CMBL: variants seen among roughly 807,000 people sequenced by gnomAD.
CMBL encodes the protein carboxymethylenebutenolidase homolog (Pseudomonas).
A neutral mutation model predicts 28.7 loss-of-function variants in CMBL; 17 were observed. That is an observed-to-expected ratio of 0.59 (90% CI 0.41 to 0.89). The LOEUF is 0.89. Among genes scored for constraint, CMBL ranks in the 40% least tolerant of loss-of-function variants. The probability of loss-of-function intolerance (pLI) is 0.00; values close to 1 mark genes in which losing one functional copy is unlikely to be tolerated. For synonymous variants in CMBL, 106 were observed against 101.6 expected (o/e 1.04, Z -0.26); for missense variants, 310 against 298.5 (o/e 1.04, Z -0.28).
chr5:10,296,123 AG>A (rs1225364262), intron 1 of CMBL, among the ~76,000 whole-genome samples: 1 of 152,206 alleles, frequency 6.6e-6, no homozygotes. Flanking sequence ...ACATAAAACC[AG>A]GGTTATGTAT....
intron 1 of CMBL, among the ~76,000 whole-genome samples, chr5:10,291,652 C>A (rs1276066500): frequency 6.8e-6 from 1 of 146,680 alleles, no homozygotes; most frequent in African/African-American, 2.6e-5. Context: ...CAGAGCGAGA[C>A]GCCGTCTCAA....
intron 2 of CMBL, 84 bp from the exon 3 acceptor site, chr5:10,288,613 C>T (rs1301856932): frequency 3.8e-6 from 4 of 1,055,384 alleles, no homozygotes; most frequent in Non-Finnish European, 5.8e-6. Flanking sequence ...AAACTTGCTA[C>T]GTTGGCGATT....
In CMBL at chr5:10,293,318, G is replaced by A. The variant is rs145574914; in HGVS notation, c.-19-2537C>T. Among the ~76,000 whole-genome samples the A allele has an allele frequency of 5.9e-5, 9 of 152,312 alleles. No homozygotes were observed. The East Asian group carries it at 1.2e-3, about 20-fold the overall frequency. On this transcript the variant is annotated intron_variant, in intron 1 of 5. Coordinates refer to ENST00000296658, the MANE Select transcript of CMBL (RefSeq NM_138809.4). ...TTACAGTCCTGGAGGCTGGGAAGTC[G>A]CAGTTCAAGGGACTGGCAGATGCAA...
intron 1 of CMBL, among the ~76,000 whole-genome samples, chr5:10,296,686 G>A (rs60897398): frequency 6.6e-6 from 1 of 152,172 alleles, no homozygotes; most frequent in East Asian, 1.9e-4. Flanking sequence ...TGAGGAATGA[G>A]CCTGAGAAGG....
intron 3 of CMBL, among the ~76,000 whole-genome samples, chr5:10,286,833 C>T (rs753318399): frequency 3.3e-5 from 5 of 152,182 alleles, no homozygotes; most frequent in Non-Finnish European, 7.3e-5. Flanking sequence ...TTCGTAAGAC[C>T]CGAGTCCATG....
chr5:10,287,982 C>T (rs1024919907), intron 3 of CMBL, among the ~76,000 whole-genome samples: 1 of 151,490 alleles, frequency 6.6e-6, no homozygotes, highest in Admixed American at 6.6e-5. Flanking sequence ...CAGCCAGCCT[C>T]AGCCTGCCAA....
intron 1 of CMBL, among the ~76,000 whole-genome samples, chr5:10,292,969 ACAAT>A (rs1483068087): frequency 6.6e-6 from 1 of 152,198 alleles, no homozygotes; most frequent in African/African-American, 2.4e-5. Context: ...ATATTAACCC[ACAAT>A]CAAAGTTTCA....
At position 10,278,766 on chromosome 5, in the gene CMBL, G is replaced by C. The variant is rs1746439488; in HGVS notation, c.*1687C>G. ...CTTTCCCGGTCAGGGCTCTCCGGGA[G>C]AGTGGCTGTCTCAGTAGGAATAAAC... On this transcript the variant is annotated 3_prime_UTR_variant, in exon 6 of 6. Transcript: ENST00000296658. Among the ~76,000 whole-genome samples the C allele has an allele frequency of 1.3e-5, 2 of 152,220 alleles. No individual in the cohort carries two copies. Among genetic ancestry groups the C allele is most frequent in the South Asian group, 4.1e-4 (2 of 4,820 alleles).
intron 2 of CMBL, 119 bp from the exon 3 acceptor site, chr5:10,288,648 G>C (rs768147904): frequency 6.3e-6 from 5 of 798,682 alleles, no homozygotes; most frequent in Middle Eastern, 2.3e-4. Context: ...AGGAAAAGTA[G>C]TGGGTGTGAA....
rs190495482 is a variant in CMBL, at chr5:10,289,922, G to C, written c.215+626C>G. On this transcript the variant is annotated intron_variant, in intron 2 of 5. Transcript: ENST00000296658. The surrounding 1 kb of genome is among the most constrained non-coding windows in gnomAD (Gnocchi z 4.3). ...AGGGCTCACTGGGTTGATGCTTTCC[G>C]ACGCTGGAGAGGAAGGAAGGTTCTG... 6.6e-6 allele frequency among the ~76,000 whole-genome samples: 1 copy of C among 152,170 alleles called. No homozygotes were observed. Among genetic ancestry groups the C allele is most frequent in the South Asian group, 2.1e-4 (1 of 4,834 alleles).
At chr5:10,284,615 C>T (rs1254820163) in intron 4 of CMBL, among the ~76,000 whole-genome samples, 1 of 152,164 alleles carries the variant, frequency 6.6e-6, no homozygotes, top group Non-Finnish European at 1.5e-5. Flanking sequence ...ATAGGCCTTG[C>T]GTTAGATGAT....
At chr5:10,291,578 G>T (rs932285157) in intron 1 of CMBL, among the ~76,000 whole-genome samples, 53 of 151,678 alleles carry the variant, frequency 3.5e-4, no homozygotes. Flanking sequence ...GGAGAATGGC[G>T]TGAACCCGGG....
intron 1 of CMBL, among the ~76,000 whole-genome samples, chr5:10,291,189 G>C (rs60612157): frequency 0.24 from 36,662 of 151,944 alleles, 6,264 homozygotes; most frequent in African/African-American, 0.49. Context: ...CGTGTAGAAA[G>C]AGCCATCGAA....
chr5:10,288,262 C>A, intron 3 of CMBL, among the ~76,000 whole-genome samples, 160 bp downstream of exon 3: 1 of 151,502 alleles, frequency 6.6e-6, no homozygotes, highest in Non-Finnish European at 1.5e-5. Context: ...AGAGCAAAAA[C>A]AAAAAAAAAT....
chr5:10,297,299 G>A (rs1004457632), intron 1 of CMBL, among the ~76,000 whole-genome samples: 2 of 152,106 alleles, frequency 1.3e-5, no homozygotes, highest in Non-Finnish European at 2.9e-5. Flanking sequence ...GCCGGGCGTG[G>A]TGGCTCACAC....
chr5:10,294,015 G>A (rs1023412054), intron 1 of CMBL, among the ~76,000 whole-genome samples: 6 of 152,194 alleles, frequency 3.9e-5, no homozygotes, highest in Non-Finnish European at 8.8e-5. Context: ...CAAAGGAGGC[G>A]AGGGGTGGTG....
chr5:10,287,063 C>T (rs1215964495), intron 3 of CMBL, among the ~76,000 whole-genome samples: 1 of 152,236 alleles, frequency 6.6e-6, no homozygotes, highest in Non-Finnish European at 1.5e-5. Context: ...GCCATCAGGA[C>T]TATTTCAGCC....
At chr5:10,307,438 G>A (rs929378035) in intron 1 of CMBL, 187 bp downstream of exon 1, 4 of 152,216 alleles carry the variant, frequency 2.6e-5, no homozygotes, top group African/African-American at 9.7e-5. Context: ...GGATCGTGGA[G>A]GCTGCTGTTC....
rs1432673076 is a variant in CMBL, at chr5:10,280,317, T to C, written c.*136A>G. On this transcript the variant is annotated 3_prime_UTR_variant, in exon 6 of 6. Transcript: ENST00000296658. ...CATGCATTACGTCCTACTGAATTTG[T>C]GTTTCAAATGAAATAATCAATTTTA... is the stretch of plus-strand genomic sequence containing the variant. The C allele has an allele frequency of 4.9e-6, 3 of 613,246 alleles. No individual in the cohort carries two copies. The African/African-American group carries it at 5.5e-5, about 11-fold the overall frequency. The allele number at this position is 613,246 out of a possible 1,614,324, so 38.0% of individuals were successfully genotyped here.
Sources: gnomAD v4.1 joint callset for allele counts (sites outside exome capture counted in the v4.1 genomes callset) on GRCh38, gnomAD v4.1.1 for gene constraint, Gnocchi (gnomAD v3.1) non-coding constraint, MANE v1.5 for transcripts, NCBI Gene and HGNC (gene_info 2026-07-23, HGNC 2026-07-21) for gene names.